Variants in PHF20 observed in about 807,000 individuals in gnomAD.
The protein encoded by PHF20 is PHD finger protein 20, also known as glioma-expressed antigen 2.
A neutral mutation model predicts 113.5 loss-of-function variants in PHF20; 23 were observed. The ratio of observed to expected loss-of-function variants is 0.20; its 90% CI spans 0.15 to 0.29. The LOEUF is 0.29. Ranked by LOEUF, PHF20 falls within the 10% of genes least tolerant of loss-of-function variation. PHF20 has a pLI of 1.00. For synonymous variants in PHF20, 434 were observed against 457.3 expected, an observed-to-expected ratio of 0.95 and a Z score of 0.65; for missense variants, 943 against 1,219.6, an observed-to-expected ratio of 0.77 and a Z score of 3.38.
chr20:35,778,534 G>A (rs1406388913), intron 1 of PHF20, among the ~76,000 whole-genome samples: 1 of 152,056 alleles, frequency 6.6e-6, no homozygotes, highest in Non-Finnish European at 1.5e-5. Flanking sequence ...TGGATCACCT[G>A]AAGTCAGGAG....
intron 2 of PHF20, among the ~76,000 whole-genome samples, chr20:35,823,068 ATATGTG>A (rs1300738843): frequency 2.0e-5 from 3 of 151,980 alleles, no homozygotes; most frequent in African/African-American, 7.3e-5. Flanking sequence ...TGTATAATGT[ATATGTG>A]TATGTTACAC....
chr20:35,824,154 GTC>G (rs1437526690), intron 2 of PHF20, among the ~76,000 whole-genome samples: 1 of 152,142 alleles, frequency 6.6e-6, no homozygotes, highest in East Asian at 1.9e-4. Flanking sequence ...CTTTTTCAGA[GTC>G]TCTGTACCAT....
chr20:35,794,854 TA>T (rs1319369485), intron 1 of PHF20, among the ~76,000 whole-genome samples: 1 of 151,928 alleles, frequency 6.6e-6, no homozygotes, highest in African/African-American at 2.4e-5. Context: ...TCTCCCAAAA[TA>T]AAACCCAGAG....
chr20:35,855,210 A>T, intron 4 of PHF20: 1 of 1,287,086 alleles, frequency 7.8e-7, no homozygotes, highest in South Asian at 1.3e-5. Context: ...TTAGAATTCC[A>T]TAGCATTGTT....
At chr20:35,943,689 C>T (rs781016833) in intron 17 of PHF20, among the ~76,000 whole-genome samples, 3 of 152,082 alleles carry the variant, frequency 2.0e-5, no homozygotes, top group Non-Finnish European at 4.4e-5. Flanking sequence ...GGCACGATCT[C>T]GGCTCACCAC....
intron 9 of PHF20, among the ~76,000 whole-genome samples, chr20:35,880,189 T>C (rs752303441): frequency 1.3e-5 from 2 of 152,136 alleles, no homozygotes; most frequent in Admixed American, 1.3e-4. Context: ...GATACTTAGG[T>C]TGGTGCTTTA....
At position 35,913,313 on chromosome 20, in the gene PHF20, G is replaced by GAAGAAA. The variant is rs562342256; in HGVS notation, c.1646_1651dup (p.Lys549_Lys550dup). The GAAGAAA allele has an allele frequency of 9.4e-6, 15 of 1,600,818 alleles. No homozygotes were observed. The highest frequency in any genetic ancestry group is 4.1e-5 in the African/African-American group (3 of 73,950). On this transcript the variant is annotated inframe_insertion, in exon 11 of 18. Transcript: ENST00000374012. ...AGGAGTTTGTGAGAGTGAAGCCAAA[G>GAAGAAA]AAGAAAAAGAAAAAGAAAAAGAAAA...
chr20:35,843,719 A>C (rs1484014220), intron 3 of PHF20, among the ~76,000 whole-genome samples: 1 of 151,914 alleles, frequency 6.6e-6, no homozygotes, highest in Non-Finnish European at 1.5e-5. Flanking sequence ...AGTAGCTGGG[A>C]CCACGGGCCC....
At chr20:35,940,743 G>A (rs1386961072) in intron 16 of PHF20, 121 bp from the exon 17 acceptor site, 3 of 825,952 alleles carry the variant, frequency 3.6e-6, no homozygotes, top group African/African-American at 1.7e-5. Context: ...AGGAAAGGGA[G>A]GTAGGGATTT....
At chr20:35,935,586 C>T (rs537556366) in intron 15 of PHF20, among the ~76,000 whole-genome samples, 121 of 152,254 alleles carry the variant, frequency 7.9e-4, no homozygotes, top group African/African-American at 2.7e-3. Context: ...AGGGTGGTCT[C>T]GAACTCCTGG....
chr20:35,896,863 C>CTA (rs2054995988), intron 9 of PHF20, among the ~76,000 whole-genome samples: 1 of 150,744 alleles, frequency 6.6e-6, no homozygotes, highest in Non-Finnish European at 1.5e-5. Context: ...GCCTGACCGA[C>CTA]TATTGCCTTC....
chr20:35,878,682 T>TG, intron 9 of PHF20: 1 of 787,320 alleles, frequency 1.3e-6, no homozygotes. Flanking sequence ...GTAGGAGCAA[T>TG]GACTGTTGTT....
intron 2 of PHF20, among the ~76,000 whole-genome samples, chr20:35,808,774 A>T (rs1001569864): frequency 6.7e-6 from 1 of 150,134 alleles, no homozygotes; most frequent in Non-Finnish European, 1.5e-5. Flanking sequence ...GGGCTTCACC[A>T]TGTTGGCCAG....
chr20:35,863,127 G>T lies in PHF20; in HGVS notation c.535G>T (p.Asp179Tyr). 6.2e-7 allele frequency: 1 copy of T among 1,613,340 alleles called. No homozygotes were observed. The highest frequency in any genetic ancestry group is 8.5e-7 in the Non-Finnish European group (1 of 1,179,860). The stretch of plus-strand genomic sequence containing the variant: ...AAAAGCAACAGTGAATGTGAAGAAA[G>T]ACAAAGAAGATAAACCCTTAAAGAC... ...QRKATVNVKK[D>Y]KEDKPLKTEK... The change falls in exon 6 of 18, where the codon GAC becomes TAC. Residue 179 changes from aspartate to tyrosine, a missense_variant. Physicochemically the swap from Asp to Tyr is radical, Grantham distance 160. Transcript: ENST00000374012.
At chr20:35,847,992 G>C (rs1457604787) in intron 4 of PHF20, among the ~76,000 whole-genome samples, 1 of 152,154 alleles carries the variant, frequency 6.6e-6, no homozygotes, top group Non-Finnish European at 1.5e-5. Context: ...GGCAGACAAA[G>C]AGTTATGAGG....
chr20:35,866,070 C>T (rs544691665), intron 6 of PHF20, among the ~76,000 whole-genome samples: 17 of 152,066 alleles, frequency 1.1e-4, no homozygotes, highest in South Asian at 4.2e-4. Context: ...ATTAGATGAG[C>T]GTGGTGGCAT....
intron 2 of PHF20, among the ~76,000 whole-genome samples, chr20:35,833,134 A>C (rs1056609135): frequency 1.3e-5 from 2 of 151,940 alleles, no homozygotes; most frequent in African/African-American, 4.8e-5. Flanking sequence ...GGTACTCAGA[A>C]AATGTTTGTG....
In PHF20 at chr20:35,818,173, G is replaced by T. The variant is rs1011238883; in HGVS notation, c.83+16568G>T. The stretch of plus-strand genomic sequence containing the variant: ...GCCTGTAATCCTAGCTACTCAGGAG[G>T]CTGAGGTGGGAGGCTTGCTTGAACC... On this transcript the variant is annotated intron_variant, in intron 2 of 17. Coordinates refer to ENST00000374012, the MANE Select transcript of PHF20 (RefSeq NM_016436.5). Among the ~76,000 whole-genome samples the T allele has an allele frequency of 3.3e-5, 5 of 152,096 alleles. No homozygotes were observed. The South Asian group carries it at 1.0e-3, about 32-fold the overall frequency.
intron 13 of PHF20, among the ~76,000 whole-genome samples, chr20:35,921,058 C>G (rs78927049): frequency 1.3e-5 from 2 of 152,294 alleles, no homozygotes; most frequent in East Asian, 3.9e-4. Context: ...GAGTGACAGA[C>G]AGTTGCTGAC....
Sources: allele counts gnomAD v4.1 joint callset (sites outside exome capture counted in the v4.1 genomes callset), GRCh38; gene constraint gnomAD v4.1.1; transcripts MANE v1.5; gene names NCBI Gene and HGNC (gene_info 2026-07-23, HGNC 2026-07-21).